Variants in DPP6 observed in about 807,000 individuals in gnomAD.
DPP6 encodes the protein A-type potassium channel modulatory protein DPP6.
Under a neutral mutation model 122.6 loss-of-function variants are expected in DPP6, and 69 were observed. That is an observed-to-expected ratio of 0.56 (90% CI 0.46 to 0.69). DPP6 has a LOEUF of 0.69. Among genes scored for constraint, DPP6 ranks in the 30% least tolerant of loss-of-function variants. The probability of loss-of-function intolerance (pLI) is 0.00; values close to 1 mark genes in which losing one functional copy is unlikely to be tolerated. For synonymous variants in DPP6, 418 were observed against 433.1 expected, an observed-to-expected ratio of 0.97 and a Z score of 0.43; for missense variants, 928 against 1,116.9, an observed-to-expected ratio of 0.83 and a Z score of 2.41.
At chr7:154,484,620 C>T (rs1259177611) in intron 3 of DPP6, among the ~76,000 whole-genome samples, 3 of 152,216 alleles carry the variant, frequency 2.0e-5, no homozygotes, top group East Asian at 3.9e-4. Context: ...GCCTCCTCCC[C>T]GCCCCCTGCA....
At chr7:154,795,768 A>G in intron 11 of DPP6, 77 bp from the exon 12 acceptor site, 2 of 1,541,378 alleles carry the variant, frequency 1.3e-6, no homozygotes, top group Non-Finnish European at 1.7e-6. Context: ...ACTGTCGGTC[A>G]CAGACACAAT....
At chr7:154,441,109 C>G (rs1819336143) in intron 1 of DPP6, among the ~76,000 whole-genome samples, 1 of 152,196 alleles carries the variant, frequency 6.6e-6, no homozygotes, top group Non-Finnish European at 1.5e-5. Context: ...CATCACTTTA[C>G]TGTGGAGTCA....
intron 5 of DPP6, among the ~76,000 whole-genome samples, chr7:154,605,002 T>A (rs1833540981): frequency 1.5e-5 from 1 of 66,836 alleles, no homozygotes; most frequent in Non-Finnish European, 3.5e-5. Flanking sequence ...TAAGTGTGTT[T>A]TCTGTATGCT....
chr7:154,178,481 T>TA (rs1195390154), intron 1 of DPP6, among the ~76,000 whole-genome samples: 4 of 151,440 alleles, frequency 2.6e-5, no homozygotes, highest in Non-Finnish European at 4.4e-5. Flanking sequence ...GTTTCACAGT[T>TA]TTATTAAGTT....
chr7:154,887,731 C>A lies in DPP6; in HGVS notation c.2301C>A (p.Tyr767Ter). ...TCCATGGACTTGACAACAGAGCATACGAGGTGTGTATGGGCACAACTAGAG... is the reference window on the plus strand; with the variant it reads ...TCCATGGACTTGACAACAGAGCATAAGAGGTGTGTATGGGCACAACTAGAG... The part of the protein sequence containing the change: ...LGLHGLDNRA[Y>*]EMTKVAHRVS... The change falls in exon 23 of 26, where the codon TAC becomes TAA. Residue 767 changes from tyrosine to a stop codon, truncating the protein, a stop_gained. Coordinates refer to ENST00000377770, the MANE Select transcript of DPP6 (RefSeq NM_130797.4). LOFTEE classifies it high-confidence loss of function. The A allele has an allele frequency of 1.9e-6, 3 of 1,613,686 alleles. No homozygotes were observed. The highest frequency in any genetic ancestry group is 2.5e-6 in the Non-Finnish European group (3 of 1,179,654).
intron 4 of DPP6, among the ~76,000 whole-genome samples, chr7:154,554,408 G>A (rs915125761): frequency 6.6e-6 from 1 of 151,952 alleles, no homozygotes; most frequent in African/African-American, 2.4e-5. Flanking sequence ...AAGCCTCTGG[G>A]TATATTTATG....
Position 154,318,055 on chromosome 7 carries a change from T to G in DPP6, c.244-128159T>G, listed in dbSNP as rs190187304. 3.0e-3 allele frequency among the ~76,000 whole-genome samples: 462 copies of G among 152,362 alleles called. 3 individuals are homozygous for G. The highest frequency in any genetic ancestry group is 6.8e-3 in the Middle Eastern group (2 of 294). On this transcript the variant is annotated intron_variant, in intron 1 of 25. Transcript: ENST00000377770. ...ACTTTTAGTGATATGGTAGTTTATG[T>G]GTTGATCCAGTGTTTTAAATTTTAA...
At chr7:154,477,043 C>G (rs1442860041) in intron 3 of DPP6, among the ~76,000 whole-genome samples, 1 of 151,844 alleles carries the variant, frequency 6.6e-6, no homozygotes, top group East Asian at 1.9e-4. Context: ...CATGCCATTG[C>G]ACTCCAACCT....
At chr7:154,787,607 T>C (rs549053987) in intron 10 of DPP6, among the ~76,000 whole-genome samples, 1 of 152,354 alleles carries the variant, frequency 6.6e-6, no homozygotes, top group African/African-American at 2.4e-5. Context: ...AATTATTTTA[T>C]TTGACTCTCT....
At position 153,967,058 on chromosome 7, in the gene DPP6, C is replaced by T. The variant is rs557583759; in HGVS notation, c.51+79324C>T. ...CTCCGGTCTGAGTGACAGGGCAAGACCCTGTCTCACAAACAAACAAACAAA... is the reference window on the plus strand; with the variant it reads ...CTCCGGTCTGAGTGACAGGGCAAGATCCTGTCTCACAAACAAACAAACAAA... On this transcript the variant is annotated intron_variant, in intron 1 of 25. Coordinates refer to the DPP6 transcript ENST00000404039. Among the ~76,000 whole-genome samples the T allele has an allele frequency of 8.9e-5, 13 of 145,730 alleles. No homozygotes were observed. In the South Asian group the frequency reaches 2.6e-3, roughly 29 times the overall value.
chr7:153,889,000 C>T (rs1799072401), intron 1 of DPP6, among the ~76,000 whole-genome samples: 1 of 152,200 alleles, frequency 6.6e-6, no homozygotes, highest in South Asian at 2.1e-4. Context: ...ACCCAGCTGG[C>T]TTAACCACAC....
chr7:153,786,136 G>A, the DPP6 span, among the ~76,000 whole-genome samples: 157 of 152,212 alleles, frequency 1.0e-3, 1 homozygote, highest in African/African-American at 3.5e-3. Flanking sequence ...CTTAGACCAT[G>A]ACTAATAGGT....
chr7:154,342,912 T>G (rs1439466347), intron 1 of DPP6, among the ~76,000 whole-genome samples: 1 of 152,168 alleles, frequency 6.6e-6, no homozygotes, highest in Non-Finnish European at 1.5e-5. Flanking sequence ...GTATTTATAG[T>G]AGGATAATCA....
chr7:153,866,132 T>G, the DPP6 span, among the ~76,000 whole-genome samples: 1 of 152,156 alleles, frequency 6.6e-6, no homozygotes, highest in African/African-American at 2.4e-5. Context: ...TGTGTCTTTA[T>G]AGCAGCATGA....
the DPP6 span, among the ~76,000 whole-genome samples, chr7:153,867,860 AGG>A: frequency 6.6e-6 from 1 of 152,182 alleles, no homozygotes; most frequent in Non-Finnish European, 1.5e-5. Context: ...TTTAGCATGA[AGG>A]GTTGTTGAAT....
chr7:154,020,106 A>T (rs1227326907), intron 1 of DPP6, among the ~76,000 whole-genome samples: 1 of 147,206 alleles, frequency 6.8e-6, no homozygotes, highest in Non-Finnish European at 1.5e-5. Flanking sequence ...TTTCACACAC[A>T]CACAAACACA....
At chr7:154,537,237 AAAAT>A (rs1341923692) in intron 3 of DPP6, among the ~76,000 whole-genome samples, 2 of 152,310 alleles carry the variant, frequency 1.3e-5, no homozygotes, top group African/African-American at 2.4e-5. Context: ...AAAAGTGGGC[AAAAT>A]AAATAAACCA....
chr7:153,917,706 G>C (rs1399126261), intron 1 of DPP6, among the ~76,000 whole-genome samples: 1 of 152,112 alleles, frequency 6.6e-6, no homozygotes, highest in East Asian at 1.9e-4. Context: ...GATTATATGT[G>C]GTTATTCTAG....
chr7:154,370,369 T>G (rs1812552329), intron 1 of DPP6, among the ~76,000 whole-genome samples: 2 of 149,500 alleles, frequency 1.3e-5, no homozygotes, highest in East Asian at 2.0e-4. Context: ...GGGAGGGGTG[T>G]TTATTTTTTG....
Sources: allele counts gnomAD v4.1 joint callset (sites outside exome capture counted in the v4.1 genomes callset), GRCh38; gene constraint gnomAD v4.1.1; transcripts MANE v1.5; gene names NCBI Gene and HGNC (gene_info 2026-07-23, HGNC 2026-07-21).